Variants in NEXMIF observed in about 807,000 individuals in gnomAD.
The protein encoded by NEXMIF is neurite extension and migration factor, also known as XLMR protein related to neurite extension.
In NEXMIF, 8 loss-of-function variants were observed where a neutral mutation model predicts 62.1. The ratio of observed to expected loss-of-function variants is 0.13; its 90% CI spans 0.08 to 0.23. The LOEUF (loss-of-function observed/expected upper bound fraction) is 0.23, where lower values mean the gene tolerates loss of function less well. Ranked by LOEUF, NEXMIF falls within the 10% of genes least tolerant of loss-of-function variation. The pLI, the probability that NEXMIF is intolerant of heterozygous loss-of-function variation, is 1.00. For synonymous variants in NEXMIF, 404 were observed against 416.6 expected (o/e 0.97, Z 0.37); for missense variants, 976 against 1,113.3 (o/e 0.88, Z 1.75).
intron 1 of NEXMIF, among the ~76,000 whole-genome samples, chrX:74,905,392 G>C (rs923897148): frequency 3.6e-5 from 4 of 112,184 alleles, no homozygotes; most frequent in African/African-American, 1.3e-4. Flanking sequence ...AATGAATGGA[G>C]AGGAATGTGA....
intron 1 of NEXMIF, among the ~76,000 whole-genome samples, chrX:74,901,659 T>C (rs1403744909): frequency 1.8e-5 from 2 of 111,521 alleles, no homozygotes; most frequent in Non-Finnish European, 3.8e-5. Context: ...TAAAATATAG[T>C]TTTCCTGAAA....
intron 1 of NEXMIF, among the ~76,000 whole-genome samples, chrX:74,886,098 G>A (rs1390757044): frequency 2.7e-5 from 3 of 111,767 alleles, no homozygotes; most frequent in Admixed American, 9.5e-5. Context: ...AAATTCAACA[G>A]CCTTTCATGC....
intron 1 of NEXMIF, among the ~76,000 whole-genome samples, chrX:74,873,639 C>T (rs1357276646): frequency 8.9e-6 from 1 of 111,793 alleles, no homozygotes; most frequent in Non-Finnish European, 1.9e-5. Context: ...TCTCCACATC[C>T]TCTCCAGCAC....
intron 1 of NEXMIF, among the ~76,000 whole-genome samples, chrX:74,816,567 A>T (rs893879478): frequency 8.9e-6 from 1 of 112,252 alleles, no homozygotes; most frequent in African/African-American, 3.2e-5. Flanking sequence ...ATGAATAAGC[A>T]AACACTCTCT....
intron 1 of NEXMIF, among the ~76,000 whole-genome samples, chrX:74,766,831 T>C (rs960499833): frequency 2.7e-5 from 3 of 112,159 alleles, no homozygotes. Context: ...GTTCTTACAT[T>C]GGTTCTTTCT....
chrX:74,906,051 T>G (rs2080767905), intron 1 of NEXMIF, among the ~76,000 whole-genome samples: 1 of 108,977 alleles, frequency 9.2e-6, no homozygotes, highest in African/African-American at 3.3e-5. Flanking sequence ...GGAAGGATTG[T>G]TTGAGCCTAG....
At chrX:74,909,857 T>G (rs1271194030) in intron 1 of NEXMIF, among the ~76,000 whole-genome samples, 1 of 112,116 alleles carries the variant, frequency 8.9e-6, no homozygotes, top group African/African-American at 3.2e-5. Flanking sequence ...GGCCCATGGT[T>G]TCAGAGGGTA....
rs893078295 is a variant in NEXMIF, at chrX:74,738,891, T to C, written c.*514A>G. On this transcript the variant is annotated 3_prime_UTR_variant, in exon 4 of 4. Coordinates refer to ENST00000055682, the MANE Select transcript of NEXMIF (RefSeq NM_001008537.3). ...ACACACACACACAAACATATACATATATATGTTTGGGTGTGTATATATCCA... is the reference window on the plus strand; with the variant it reads ...ACACACACACACAAACATATACATACATATGTTTGGGTGTGTATATATCCA... 9.1e-6 allele frequency: 1 copy of C among 110,060 alleles called. No homozygotes were observed. The highest frequency in any genetic ancestry group is 3.3e-5 in the African/African-American group (1 of 30,193). The allele number at this position is 110,060 out of a possible 1,213,427, so 9.1% of individuals were successfully genotyped here.
At chrX:74,791,592 G>T (rs964619488) in intron 1 of NEXMIF, among the ~76,000 whole-genome samples, 1 of 111,424 alleles carries the variant, frequency 9.0e-6, no homozygotes, top group African/African-American at 3.3e-5. Context: ...ATTCGGCTGT[G>T]AATCCATCTG....
rs189347764 is a variant in NEXMIF, at chrX:74,887,147, A to T, written c.-48+37736T>A. ...TTCCTTACACCTTATACAAAAATTAATTCAAGATGGATTAAAGACTTACAG... is the reference window on the plus strand; with the variant it reads ...TTCCTTACACCTTATACAAAAATTATTTCAAGATGGATTAAAGACTTACAG... On this transcript the variant is annotated intron_variant, in intron 1 of 3. Coordinates refer to ENST00000055682, the MANE Select transcript of NEXMIF (RefSeq NM_001008537.3). Among the ~76,000 whole-genome samples the T allele has an allele frequency of 5.3e-3, 592 of 112,461 alleles. 7 individuals are homozygous for T. Among genetic ancestry groups the T allele is most frequent in the African/African-American group, 0.018 (560 of 30,923 alleles).
At chrX:74,907,866 C>A (rs1236949303) in intron 1 of NEXMIF, among the ~76,000 whole-genome samples, 1 of 111,599 alleles carries the variant, frequency 9.0e-6, no homozygotes, top group African/African-American at 3.3e-5. Context: ...AGCTGGCCAT[C>A]TCAACAACCA....
chrX:74,773,451 A>G (rs1210380398), intron 1 of NEXMIF, among the ~76,000 whole-genome samples: 2 of 111,207 alleles, frequency 1.8e-5, no homozygotes, highest in Non-Finnish European at 3.8e-5. Context: ...CTGCTATTCA[A>G]TCACAGGCTT....
At chrX:74,765,116 G>A (rs2080190841) in intron 1 of NEXMIF, among the ~76,000 whole-genome samples, 1 of 111,752 alleles carries the variant, frequency 8.9e-6, no homozygotes, top group Non-Finnish European at 1.9e-5. Flanking sequence ...CCTGTGATAG[G>A]TGCATATATA....
chrX:74,792,346 G>A (rs1355043945), intron 1 of NEXMIF, among the ~76,000 whole-genome samples: 1 of 105,289 alleles, frequency 9.5e-6, no homozygotes, highest in Non-Finnish European at 2.0e-5. Flanking sequence ...GAGATAGTTT[G>A]TTATAATTTC....
chrX:74,838,269 C>A (rs1006112724), intron 1 of NEXMIF, among the ~76,000 whole-genome samples: 1 of 111,081 alleles, frequency 9.0e-6, no homozygotes, highest in Admixed American at 9.6e-5. Context: ...TTCTAACTAC[C>A]CTGAACTTGG....
chrX:74,752,733 A>G (rs1380288727), intron 1 of NEXMIF, among the ~76,000 whole-genome samples: 2 of 112,010 alleles, frequency 1.8e-5, no homozygotes, highest in African/African-American at 3.2e-5. Flanking sequence ...TTTAAACCTT[A>G]TAACTATAGG....
intron 1 of NEXMIF, among the ~76,000 whole-genome samples, chrX:74,882,312 T>G (rs2080668061): frequency 9.0e-6 from 1 of 111,670 alleles, no homozygotes; most frequent in South Asian, 3.8e-4. Context: ...GGACAGTGGG[T>G]GCAGTGCACC....
At chrX:74,852,362 A>G (rs962587255) in intron 1 of NEXMIF, among the ~76,000 whole-genome samples, 4 of 111,838 alleles carry the variant, frequency 3.6e-5, no homozygotes, top group African/African-American at 6.5e-5. Context: ...CTCCAATACA[A>G]TAATAGTTGG....
chrX:74,884,888 T>G (rs752073342), intron 1 of NEXMIF, among the ~76,000 whole-genome samples: 1 of 111,079 alleles, frequency 9.0e-6, no homozygotes, highest in African/African-American at 3.3e-5. Context: ...CTGACCACAT[T>G]CTTGGAAGTA....
Sources: allele counts gnomAD v4.1 joint callset (sites outside exome capture counted in the v4.1 genomes callset), GRCh38; gene constraint gnomAD v4.1.1; transcripts MANE v1.5; gene names NCBI Gene and HGNC (gene_info 2026-07-23, HGNC 2026-07-21).